Variants in SPIN1 observed in about 807,000 individuals in gnomAD.
SPIN1 encodes the protein spindlin-1.
Under a neutral mutation model 26.0 loss-of-function variants are expected in SPIN1, and 3 were observed. The observed-to-expected ratio is 0.12, with a 90% CI of 0.05 to 0.30. The LOEUF (loss-of-function observed/expected upper bound fraction) is 0.30. Ranked by LOEUF, SPIN1 falls within the 10% of genes least tolerant of loss-of-function variation. The pLI, the probability that SPIN1 is intolerant of heterozygous loss-of-function variation, is 1.00. For missense variants in SPIN1, 126 were observed against 333.4 expected, an observed-to-expected ratio of 0.38 and a Z score of 4.84; for synonymous variants, 101 against 116.5, an observed-to-expected ratio of 0.87 and a Z score of 0.86.
intron 1 of SPIN1, among the ~76,000 whole-genome samples, chr9:88,397,768 C>T (rs1445255315): frequency 2.6e-5 from 4 of 151,800 alleles, no homozygotes; most frequent in Non-Finnish European, 5.9e-5. Flanking sequence ...AGTACAGGTG[C>T]GTGCCACCAT....
intron 4 of SPIN1, 114 bp from the exon 5 acceptor site, chr9:88,468,258 A>G (rs145680620): frequency 4.4e-6 from 3 of 675,864 alleles, no homozygotes; most frequent in African/African-American, 3.7e-5. Flanking sequence ...GATGCTTGCT[A>G]ATACGTTGCA....
chr9:88,437,581 A>G (rs1446831332), intron 2 of SPIN1, among the ~76,000 whole-genome samples: 1 of 152,070 alleles, frequency 6.6e-6, no homozygotes, highest in African/African-American at 2.4e-5. Flanking sequence ...GTGCAGGGAT[A>G]TTTTCAACTC....
intron 1 of SPIN1, among the ~76,000 whole-genome samples, chr9:88,396,248 A>G (rs1564020769): frequency 6.6e-6 from 1 of 151,680 alleles, no homozygotes; most frequent in Non-Finnish European, 1.5e-5. Context: ...CAAAAAAAAA[A>G]AAATTACATT....
At chr9:88,431,178 C>G (rs1827862425) in intron 2 of SPIN1, among the ~76,000 whole-genome samples, 1 of 151,736 alleles carries the variant, frequency 6.6e-6, no homozygotes, top group Non-Finnish European at 1.5e-5. Flanking sequence ...AGCCACCATG[C>G]CCGGCCCTTT....
At chr9:88,470,306 T>G (rs1415191359) in intron 5 of SPIN1, among the ~76,000 whole-genome samples, 1 of 152,218 alleles carries the variant, frequency 6.6e-6, no homozygotes, top group Non-Finnish European at 1.5e-5. Flanking sequence ...TGTGGACATG[T>G]TTTATTTCCT....
intron 2 of SPIN1, among the ~76,000 whole-genome samples, chr9:88,446,725 G>A (rs928894744): frequency 1.3e-5 from 2 of 151,990 alleles, no homozygotes; most frequent in African/African-American, 2.4e-5. Flanking sequence ...TTATTTTTTA[G>A]CACCTTAAAG....
intron 1 of SPIN1, among the ~76,000 whole-genome samples, chr9:88,403,656 A>G (rs1187692337): frequency 1.7e-4 from 26 of 152,198 alleles, no homozygotes; most frequent in Admixed American, 1.6e-3. Flanking sequence ...GGCTGCACTC[A>G]GGAACCCTGA....
At chr9:88,455,756 T>C (rs1235464262) in intron 3 of SPIN1, among the ~76,000 whole-genome samples, 1 of 152,112 alleles carries the variant, frequency 6.6e-6, no homozygotes, top group Non-Finnish European at 1.5e-5. Context: ...GGTGGGAGGA[T>C]TGCTTGAGCC....
At chr9:88,390,284 A>G (rs573009583) in intron 1 of SPIN1, among the ~76,000 whole-genome samples, 1 of 152,246 alleles carries the variant, frequency 6.6e-6, no homozygotes, top group Admixed American at 6.5e-5. Flanking sequence ...TATCTCAGAT[A>G]ATTGTGTGTC....
At chr9:88,405,250 A>G (rs1379858404) in intron 1 of SPIN1, among the ~76,000 whole-genome samples, 1 of 152,094 alleles carries the variant, frequency 6.6e-6, no homozygotes, top group Non-Finnish European at 1.5e-5. Context: ...GTTTTTTGAG[A>G]CAGGGTCTCG....
chr9:88,417,132 G>A (rs748909288), intron 1 of SPIN1, among the ~76,000 whole-genome samples: 2 of 152,150 alleles, frequency 1.3e-5, no homozygotes, highest in Non-Finnish European at 2.9e-5. Flanking sequence ...ATTTAAGAAA[G>A]CTAATTAGCC....
At chr9:88,467,845 T>TA (rs755421414) in intron 4 of SPIN1, among the ~76,000 whole-genome samples, 6,743 of 132,198 alleles carry the variant, frequency 0.051, 260 homozygotes, top group African/African-American at 0.12. Context: ...CCAATTTCTT[T>TA]AAAAAAAAAA....
chr9:88,393,718 G>T (rs879767959), intron 1 of SPIN1, among the ~76,000 whole-genome samples: 1 of 152,196 alleles, frequency 6.6e-6, no homozygotes, highest in Admixed American at 6.5e-5. Context: ...GCCTCCCAGA[G>T]TGTTGGGATT....
At chr9:88,432,530 G>A (rs1827903504) in intron 2 of SPIN1, among the ~76,000 whole-genome samples, 1 of 151,562 alleles carries the variant, frequency 6.6e-6, no homozygotes, top group South Asian at 2.1e-4. Flanking sequence ...TGTCACCCAG[G>A]CTGGAGTGCA....
chr9:88,445,298 C>G (rs1490099478), intron 2 of SPIN1, among the ~76,000 whole-genome samples: 1 of 152,032 alleles, frequency 6.6e-6, no homozygotes, highest in Non-Finnish European at 1.5e-5. Context: ...GCTCCTGCTT[C>G]CTGTCTGTGT....
In SPIN1 at chr9:88,430,398, T is replaced by C. The variant is rs576872884; in HGVS notation, c.52+3807T>C. 1.6e-4 allele frequency among the ~76,000 whole-genome samples: 24 copies of C among 152,346 alleles called. 2 individuals carry two copies. The highest frequency in any genetic ancestry group is 4.8e-4 in the African/African-American group (20 of 41,580). On this transcript the variant is annotated intron_variant, in intron 2 of 5. Coordinates refer to ENST00000375859, the MANE Select transcript of SPIN1 (RefSeq NM_006717.3). ...GGCCTTTATCTAGCCTTGGAACTTA[T>C]ACAGGTTCACTTCTACTGCATTCTA...
At position 88,412,867 on chromosome 9, in the gene SPIN1, A is replaced by G. The variant is rs200758180; in HGVS notation, c.-158-13515A>G. Among the ~76,000 whole-genome samples the G allele has an allele frequency of 9.2e-5, 14 of 152,024 alleles. No homozygotes were observed. In the East Asian group the frequency reaches 2.7e-3, roughly 29 times the overall value. On this transcript the variant is annotated intron_variant, in intron 1 of 5. Coordinates refer to ENST00000375859, the MANE Select transcript of SPIN1 (RefSeq NM_006717.3). ...CCCGGGTAATTTTTGTATTTTTAGT[A>G]GAGACAGGGTTTCACTATGTTGGCC...
intron 1 of SPIN1, among the ~76,000 whole-genome samples, chr9:88,393,082 GCATGGGGTATTGGT>G (rs1330652506): frequency 6.6e-6 from 1 of 151,436 alleles, no homozygotes; most frequent in African/African-American, 2.4e-5. Flanking sequence ...GTCATTTAAG[GCATGGGGTATTGGT>G]CTGAACTCAG....
rs1828896435 is a variant in SPIN1 at position 88,476,818 on chromosome 9, TC to T, written c.*1544del. 1 of 152,138 alleles carries T rather than the reference TC, an allele frequency of 6.6e-6. No individual in the cohort carries two copies. Among genetic ancestry groups the T allele is most frequent in the Non-Finnish European group, 1.5e-5 (1 of 68,034 alleles). 9.4% of individuals were successfully genotyped at this position (152,138 alleles called of 1,614,324 possible). On this transcript the variant is annotated 3_prime_UTR_variant, in exon 6 of 6. Transcript: ENST00000375859. ...AGTCTCTTGTGGAGATTGGAAATCC[TC>T]CCTGATATTTGGGCAGAGCCTAAAC...
Sources: gnomAD v4.1 joint callset for allele counts (sites outside exome capture counted in the v4.1 genomes callset) on GRCh38, gnomAD v4.1.1 for gene constraint, MANE v1.5 for transcripts, NCBI Gene and HGNC (gene_info 2026-07-23, HGNC 2026-07-21) for gene names.